KLHL32: variants seen among roughly 807,000 people sequenced by gnomAD.
KLHL32 encodes kelch-like protein 32.
A neutral mutation model predicts 64.8 loss-of-function variants in KLHL32; 35 were observed. That is an observed-to-expected ratio of 0.54 (90% CI 0.41 to 0.72). The LOEUF is 0.72. Ranked by LOEUF, KLHL32 falls within the 30% of genes least tolerant of loss-of-function variation. The pLI is 0.00. For synonymous variants in KLHL32, 259 were observed against 281.0 expected, an observed-to-expected ratio of 0.92 and a Z score of 0.78; for missense variants, 589 against 768.5, an observed-to-expected ratio of 0.77 and a Z score of 2.76.
At chr6:97,086,043 T>A (rs1224065602) in intron 6 of KLHL32, among the ~76,000 whole-genome samples, 1 of 152,218 alleles carries the variant, frequency 6.6e-6, no homozygotes, top group Non-Finnish European at 1.5e-5. Context: ...TGGGGAATAG[T>A]CAGAGAGCCT....
At chr6:97,032,882 C>CA (rs1490145224) in intron 3 of KLHL32, among the ~76,000 whole-genome samples, 2 of 150,314 alleles carry the variant, frequency 1.3e-5, no homozygotes, top group Admixed American at 6.6e-5. Context: ...TAATCTTCTG[C>CA]AAATGCATAA....
At chr6:97,111,388 C>T (rs1327955089) in intron 6 of KLHL32, among the ~76,000 whole-genome samples, 3 of 152,246 alleles carry the variant, frequency 2.0e-5, no homozygotes, top group African/African-American at 4.8e-5. Context: ...GACCCCTTCA[C>T]GGGCGGGAAC....
At chr6:96,978,924 G>A (rs967808511) in intron 3 of KLHL32, among the ~76,000 whole-genome samples, 1 of 152,054 alleles carries the variant, frequency 6.6e-6, no homozygotes, top group African/African-American at 2.4e-5. Context: ...TTATATGCTT[G>A]TTGGCTGCAT....
intron 3 of KLHL32, among the ~76,000 whole-genome samples, chr6:97,009,605 T>C (rs1780112931): frequency 6.6e-6 from 1 of 152,208 alleles, no homozygotes; most frequent in Non-Finnish European, 1.5e-5. Context: ...TTGTACATGC[T>C]TTGTTGTTGT....
intron 10 of KLHL32, among the ~76,000 whole-genome samples, chr6:97,134,449 T>G (rs1183875013): frequency 1.4e-4 from 22 of 152,222 alleles, no homozygotes. Context: ...CATCCAAGCA[T>G]GTATTTGGTA....
At chr6:97,008,705 C>T (rs1049539364) in intron 3 of KLHL32, among the ~76,000 whole-genome samples, 4 of 152,060 alleles carry the variant, frequency 2.6e-5, no homozygotes, top group African/African-American at 4.8e-5. Context: ...CCCCAGGAGA[C>T]GCTGGAGCCC....
chr6:97,045,657 T>A (rs1411976403), intron 4 of KLHL32, among the ~76,000 whole-genome samples: 2 of 152,252 alleles, frequency 1.3e-5, no homozygotes, highest in Non-Finnish European at 2.9e-5. Flanking sequence ...TATATGTGGC[T>A]GCCTTATTGC....
intron 4 of KLHL32, among the ~76,000 whole-genome samples, chr6:97,058,334 C>T (rs1218824864): frequency 1.3e-5 from 2 of 152,180 alleles, no homozygotes; most frequent in Non-Finnish European, 2.9e-5. Flanking sequence ...TTGGGAAGAA[C>T]TGACATCTTG....
the KLHL32 span, among the ~76,000 whole-genome samples, chr6:96,918,140 G>A: frequency 4.6e-5 from 7 of 152,194 alleles, no homozygotes; most frequent in South Asian, 4.1e-4. Context: ...AAATAAAAAC[G>A]GAAAGAGCTG....
At chr6:96,898,926 TGAA>T in the KLHL32 span, among the ~76,000 whole-genome samples, 1 of 152,166 alleles carries the variant, frequency 6.6e-6, no homozygotes, top group Non-Finnish European at 1.5e-5. Context: ...CTTAGCAAAA[TGAA>T]GTAGAGTGGA....
chr6:97,119,665 C>A (rs1046500616), intron 7 of KLHL32, among the ~76,000 whole-genome samples: 4 of 152,218 alleles, frequency 2.6e-5, no homozygotes, highest in African/African-American at 9.6e-5. Flanking sequence ...TAGTCTAATA[C>A]TAATGAACAA....
At chr6:97,012,647 A>T (rs1253314238) in intron 3 of KLHL32, among the ~76,000 whole-genome samples, 1 of 152,144 alleles carries the variant, frequency 6.6e-6, no homozygotes, top group African/African-American at 2.4e-5. Flanking sequence ...ATTTTTCATA[A>T]TTTTTGTGAA....
intron 6 of KLHL32, among the ~76,000 whole-genome samples, chr6:97,091,968 A>G (rs1013772356): frequency 9.4e-5 from 14 of 148,534 alleles, no homozygotes; most frequent in South Asian, 6.5e-4. Flanking sequence ...CCCTTCTTCA[A>G]TTCTCTTTCT....
At chr6:97,034,335 G>A (rs1387159150) in intron 3 of KLHL32, among the ~76,000 whole-genome samples, 1 of 151,976 alleles carries the variant, frequency 6.6e-6, no homozygotes, top group Non-Finnish European at 1.5e-5. Flanking sequence ...ATAGATGCAT[G>A]GATTTATTTC....
intron 4 of KLHL32, among the ~76,000 whole-genome samples, chr6:97,060,302 A>G (rs1788664203): frequency 6.6e-6 from 1 of 152,178 alleles, no homozygotes; most frequent in African/African-American, 2.4e-5. Context: ...CCACCAATCC[A>G]AGAGGCTAGG....
At chr6:97,070,120 A>G (rs1790473450) in intron 5 of KLHL32, among the ~76,000 whole-genome samples, 2 of 152,134 alleles carry the variant, frequency 1.3e-5, no homozygotes, top group South Asian at 2.1e-4. Flanking sequence ...CAACATATAT[A>G]TTTAATATAC....
chr6:97,027,736 A>G (rs1782941567), intron 3 of KLHL32, among the ~76,000 whole-genome samples: 1 of 152,180 alleles, frequency 6.6e-6, no homozygotes, highest in African/African-American at 2.4e-5. Context: ...CCACCCCTCC[A>G]AATCTAGGGA....
At position 97,042,401 on chromosome 6, in the gene KLHL32, C is replaced by T. The variant is rs557704727; in HGVS notation, c.312+802C>T. Among the ~76,000 whole-genome samples, 6 of 152,202 alleles carry T rather than the reference C, an allele frequency of 3.9e-5. No individual in the cohort carries two copies. The East Asian group carries it at 9.7e-4, about 25-fold the overall frequency. ...GAAGGATGCATGTGGTCAGGTGTGG[C>T]TATCAGTACACAATTTTACAGATAG... On this transcript the variant is annotated intron_variant, in intron 4 of 10. Coordinates refer to ENST00000369261, the MANE Select transcript of KLHL32 (RefSeq NM_052904.4).
At chr6:96,984,799 A>G (rs1165881441) in intron 3 of KLHL32, among the ~76,000 whole-genome samples, 1 of 152,200 alleles carries the variant, frequency 6.6e-6, no homozygotes, top group Non-Finnish European at 1.5e-5. Flanking sequence ...TGAATACAGT[A>G]CAGTGATGGG....
Sources: allele counts gnomAD v4.1 joint callset (sites outside exome capture counted in the v4.1 genomes callset), GRCh38; gene constraint gnomAD v4.1.1; transcripts MANE v1.5; gene names NCBI Gene and HGNC (gene_info 2026-07-23, HGNC 2026-07-21).